ADGRE3: variants seen among roughly 807,000 people sequenced by gnomAD.
The protein encoded by ADGRE3 is EGF-like module receptor 3.
A neutral mutation model predicts 80.1 loss-of-function variants in ADGRE3; 88 were observed. That is an observed-to-expected ratio of 1.10 (90% CI 0.93 to 1.31). The LOEUF is 1.31. ADGRE3 is among the 40% of genes most tolerant of loss of function. The pLI, the probability that ADGRE3 is intolerant of heterozygous loss-of-function variation, is 0.00. For synonymous variants in ADGRE3, 281 were observed against 294.8 expected (o/e 0.95, Z 0.48); for missense variants, 715 against 776.5 (o/e 0.92, Z 0.94).
At chr19:14,630,897 A>C (rs1011159740) in intron 13 of ADGRE3, among the ~76,000 whole-genome samples, 2 of 150,950 alleles carry the variant, frequency 1.3e-5, no homozygotes, top group African/African-American at 4.9e-5. Flanking sequence ...GGGTCATATA[A>C]TTTTTTTTGT....
chr19:14,644,637 T>G lies in ADGRE3; in HGVS notation c.883-362A>C, dbSNP rs552357050. 2.2e-4 allele frequency among the ~76,000 whole-genome samples: 34 copies of G among 152,190 alleles called. No individual in the cohort carries two copies. The South Asian group carries it at 5.6e-3, about 25-fold the overall frequency. ...GCATCTGGCCAGCTCATTGTCTTTT[T>G]CCTCAGGAGGGACAGTTCTCAGTGT... On this transcript the variant is annotated intron_variant, in intron 8 of 15. Coordinates refer to ENST00000253673, the MANE Select transcript of ADGRE3 (RefSeq NM_032571.5).
chr19:14,625,497 TG>T lies in ADGRE3; in HGVS notation c.1914del (p.Ser639ValfsTer10). 6.3e-7 allele frequency: 1 copy of T among 1,596,116 alleles called. No individual in the cohort carries two copies. Among genetic ancestry groups the T allele is most frequent in the Non-Finnish European group, 8.6e-7 (1 of 1,163,628 alleles). Reference protein sequence around the residue: ...LSSKMGPDSKPSEGDVFPGQV... With the variant: ...LSSKMGPDSKXSEGDVFPGQV... Reference sequence around the variant, plus strand: ...AATTCAGATGTTTCACTTACCTCACTGGGTTTTGAGTCAGGACCCATCTTGC... The same window carrying T: ...AATTCAGATGTTTCACTTACCTCACTGGTTTTGAGTCAGGACCCATCTTGC... On this transcript the variant is annotated frameshift_variant, in exon 15 of 16. Transcript: ENST00000253673. LOFTEE classifies it high-confidence loss of function.
intron 6 of ADGRE3, among the ~76,000 whole-genome samples, chr19:14,652,092 G>C (rs1017879893): frequency 1.3e-5 from 2 of 152,014 alleles, no homozygotes; most frequent in African/African-American, 4.8e-5. Context: ...ATATCTCTGT[G>C]GTGGGGAACC....
In ADGRE3 at chr19:14,658,758, A is replaced by C. The variant is rs1041057612; in HGVS notation, c.356-208T>G. 7.2e-5 allele frequency among the ~76,000 whole-genome samples: 11 copies of C among 152,188 alleles called. No individual in the cohort carries two copies. In the East Asian group the frequency reaches 9.6e-4, roughly 13 times the overall value. ...TTATTTTTTATTTTTATTTTGAGAC[A>C]GAGTCTCACTCTGTTGCCCAGGCTG... On this transcript the variant is annotated intron_variant, in intron 4 of 15. Coordinates refer to ENST00000253673, the MANE Select transcript of ADGRE3 (RefSeq NM_032571.5).
intron 7 of ADGRE3, among the ~76,000 whole-genome samples, chr19:14,648,070 A>G (rs1971464026): frequency 7.4e-6 from 1 of 134,618 alleles, no homozygotes; most frequent in African/African-American, 2.9e-5. Context: ...TGACAGAGTG[A>G]GACTCCATCT....
the ADGRE3 span, among the ~76,000 whole-genome samples, chr19:14,604,980 C>T: frequency 6.6e-6 from 1 of 152,070 alleles, no homozygotes; most frequent in African/African-American, 2.4e-5. Context: ...GCCAGAATAA[C>T]TACAAAATCA....
the ADGRE3 span, chr19:14,607,054 C>G: frequency 7.4e-7 from 1 of 1,354,534 alleles, no homozygotes; most frequent in Non-Finnish European, 9.6e-7. Flanking sequence ...AATGACAGGG[C>G]CCAGGAAGGG....
Position 14,662,054 on chromosome 19 carries a change from G to C in ADGRE3, c.264C>G (p.Val88=). ...YCGFNAVCYN[V]EGSFYCQCVP... is the part of the protein sequence containing the mutation. ...CACATTGACAGTAGAAACTTCCTTC[G>C]ACATTGTAACACACAGCGTTAAATC... Residue 88 remains valine (V), a synonymous_variant, in exon 4 of 16, where the codon GTC becomes GTG. Transcript: ENST00000253673. The C allele has an allele frequency of 6.2e-7, 1 of 1,613,954 alleles. No individual in the cohort carries two copies. Among genetic ancestry groups the C allele is most frequent in the Non-Finnish European group, 8.5e-7 (1 of 1,179,870 alleles).
At chr19:14,670,629 C>T (rs1449001769) in intron 1 of ADGRE3, among the ~76,000 whole-genome samples, 8 of 152,208 alleles carry the variant, frequency 5.3e-5, no homozygotes, top group Admixed American at 5.2e-4. Context: ...AGTCATGTTC[C>T]TGCTTCTGCA....
chr19:14,669,651 G>A (rs549698353), intron 1 of ADGRE3, among the ~76,000 whole-genome samples: 36 of 152,036 alleles, frequency 2.4e-4, no homozygotes, highest in Middle Eastern at 3.4e-3. Flanking sequence ...ACCACACCTG[G>A]CTAATTTTTG....
At chr19:14,638,867 T>G (rs1971174031) in intron 10 of ADGRE3, among the ~76,000 whole-genome samples, 1 of 152,180 alleles carries the variant, frequency 6.6e-6, no homozygotes, top group South Asian at 2.1e-4. Context: ...AGTTAATATA[T>G]TATGAATTTT....
intron 7 of ADGRE3, 107 bp downstream of exon 7, chr19:14,650,978 G>T: frequency 8.2e-6 from 9 of 1,098,610 alleles, no homozygotes; most frequent in South Asian, 1.5e-5. Context: ...ATCGTAGTTT[G>T]AGGGTAAAAA....
At chr19:14,636,002 T>C (rs77234249) in intron 11 of ADGRE3, among the ~76,000 whole-genome samples, 49,906 of 83,428 alleles carry the variant, frequency 0.6, 14,446 homozygotes, top group South Asian at 0.78. Flanking sequence ...TCTCTCTCTT[T>C]CTCTTTCTTT....
intron 2 of ADGRE3, among the ~76,000 whole-genome samples, chr19:14,666,503 A>C (rs1972112197): frequency 6.6e-6 from 1 of 151,790 alleles, no homozygotes; most frequent in Non-Finnish European, 1.5e-5. Flanking sequence ...CAGCCTCCCG[A>C]GTAGCTAGGG....
Position 14,638,263 on chromosome 19 carries a change from C to T in ADGRE3, c.1326G>A (p.Val442=), listed in dbSNP as rs763367274. 5 of 1,614,100 alleles carry T rather than the reference C, an allele frequency of 3.1e-6. No individual in the cohort carries two copies. In the Admixed American group the frequency reaches 6.7e-5, roughly 22 times the overall value. ...GGTTCCGTGCAGTGAGGAAGAGGTG[C>T]ACACCCTCCAGCAGCATCCAGGTGA... ...AAFTWMLLEG[V]HLFLTARNLT... is the part of the protein sequence containing the mutation. Residue 442 remains valine, a synonymous_variant, in exon 11 of 16, where the codon GTG becomes GTA. Coordinates refer to ENST00000253673, the MANE Select transcript of ADGRE3 (RefSeq NM_032571.5).
At chr19:14,652,191 T>C (rs2146870766) in intron 6 of ADGRE3, among the ~76,000 whole-genome samples, 1 of 152,262 alleles carries the variant, frequency 6.6e-6, no homozygotes, top group East Asian at 1.9e-4. Context: ...GATGGATGTG[T>C]TAGCTAATTT....
At chr19:14,664,099 G>A (rs576926159) in intron 2 of ADGRE3, among the ~76,000 whole-genome samples, 12 of 152,092 alleles carry the variant, frequency 7.9e-5, no homozygotes, top group Non-Finnish European at 1.3e-4. Flanking sequence ...GGCTCACTCC[G>A]CCTGGTGAGG....
intron 2 of ADGRE3, among the ~76,000 whole-genome samples, chr19:14,664,433 C>A (rs558529180): frequency 5.9e-5 from 9 of 152,076 alleles, no homozygotes; most frequent in African/African-American, 2.2e-4. Context: ...ATGGTGAGCA[C>A]GCCTGTTGAC....
chr19:14,615,526 C>T (rs1244814158), downstream of ADGRE3, among the ~76,000 whole-genome samples: 6 of 151,778 alleles, frequency 4.0e-5, no homozygotes, highest in East Asian at 1.9e-4. Context: ...TTTGGGAGGC[C>T]GAGGCAGGTG....
Sources: gnomAD v4.1 joint callset for allele counts (sites outside exome capture counted in the v4.1 genomes callset) on GRCh38, gnomAD v4.1.1 for gene constraint, MANE v1.5 for transcripts, NCBI Gene and HGNC (gene_info 2026-07-23, HGNC 2026-07-21) for gene names.